The following PTPRD variants were observed in gnomAD, a reference collection of about 807,000 sequenced individuals.
PTPRD encodes receptor-type tyrosine-protein phosphatase delta.
PTPRD carries 34 observed loss-of-function variants against 214.5 expected under a neutral mutation model. The ratio of observed to expected loss-of-function variants is 0.16; its 90% CI spans 0.12 to 0.21. PTPRD has a LOEUF of 0.21. PTPRD is among the 10% of genes least tolerant of loss of function. The probability of loss-of-function intolerance (pLI) is 1.00; values close to 1 mark genes in which losing one functional copy is unlikely to be tolerated. For missense variants in PTPRD, 2,545 were observed against 2,398.7 expected, an observed-to-expected ratio of 1.06 and a Z score of -1.27; for synonymous variants, 1,128 against 845.7, an observed-to-expected ratio of 1.33 and a Z score of -5.79.
At chr9:10,359,984 C>T (rs376332893) in intron 2 of PTPRD, among the ~76,000 whole-genome samples, 6 of 152,234 alleles carry the variant, frequency 3.9e-5, no homozygotes, top group Admixed American at 6.5e-5. Context: ...AAATTTTTGG[C>T]CAATGTCAGC....
At chr9:8,698,099 T>C (rs1007539344) in intron 12 of PTPRD, among the ~76,000 whole-genome samples, 7 of 152,234 alleles carry the variant, frequency 4.6e-5, no homozygotes, top group Non-Finnish European at 8.8e-5. Context: ...TAAAGCTTTA[T>C]GTCATTTTCC....
intron 14 of PTPRD, among the ~76,000 whole-genome samples, chr9:8,571,420 C>T (rs1041288935): frequency 6.6e-5 from 10 of 151,972 alleles, no homozygotes; most frequent in Admixed American, 6.6e-4. Context: ...AAACAAAGAC[C>T]AGTAACTGAG....
rs575238060 is a variant in PTPRD, at chr9:8,998,797, G to A, written c.-104+19900C>T. ...CCATTAAGAACATTTGGGATTCATGGGTTAAGGCCAAAATATCAACATTAA... is the reference window on the plus strand; with the variant it reads ...CCATTAAGAACATTTGGGATTCATGAGTTAAGGCCAAAATATCAACATTAA... On this transcript the variant is annotated intron_variant, in intron 11 of 45. Transcript: ENST00000381196. 1.3e-3 allele frequency among the ~76,000 whole-genome samples: 190 copies of A among 151,054 alleles called. 1 individual carries two copies. Among genetic ancestry groups the A allele is most frequent in the Non-Finnish European group, 2.1e-3 (143 of 67,750 alleles).
intron 11 of PTPRD, among the ~76,000 whole-genome samples, chr9:8,929,755 A>ATGTGTATACATATG (rs1555536588): frequency 1.7e-5 from 1 of 58,080 alleles, no homozygotes; most frequent in Admixed American, 1.8e-4. Flanking sequence ...GTATATATAT[A>ATGTGTATACATATG]TGTATATATA....
chr9:9,685,645 A>T (rs1239010541), intron 7 of PTPRD, among the ~76,000 whole-genome samples: 1 of 151,322 alleles, frequency 6.6e-6, no homozygotes, highest in Non-Finnish European at 1.5e-5. Context: ...CTTGTCTACT[A>T]GTAGTTAGCT....
At chr9:8,873,389 T>C (rs972299886) in intron 11 of PTPRD, among the ~76,000 whole-genome samples, 10 of 152,174 alleles carry the variant, frequency 6.6e-5, no homozygotes, top group African/African-American at 2.4e-4. Flanking sequence ...TAATATCTTC[T>C]TTTTCCCCAA....
chr9:8,336,905 C>A (rs1020665272), intron 43 of PTPRD, among the ~76,000 whole-genome samples: 2 of 152,202 alleles, frequency 1.3e-5, no homozygotes, highest in African/African-American at 4.8e-5. Flanking sequence ...GAGATACCAT[C>A]TTACACCAGT....
At chr9:9,007,054 T>C in intron 11 of PTPRD, among the ~76,000 whole-genome samples, 1 of 151,956 alleles carries the variant, frequency 6.6e-6, no homozygotes, top group East Asian at 1.9e-4. Context: ...TATCTTAACT[T>C]CTGACTGCTT....
intron 19 of PTPRD, 26 bp from the exon 20 acceptor site, chr9:8,521,572 T>C (rs751729931): frequency 1.2e-6 from 2 of 1,607,214 alleles, no homozygotes; most frequent in Non-Finnish European, 1.7e-6. Flanking sequence ...AGGGAAATGA[T>C]AACATATACA....
intron 3 of PTPRD, among the ~76,000 whole-genome samples, chr9:10,060,374 T>C (rs1454472023): frequency 6.6e-6 from 1 of 152,052 alleles, no homozygotes; most frequent in Non-Finnish European, 1.5e-5. Context: ...CACAAACTCT[T>C]TCCCGTTAAA....
At chr9:9,331,748 C>G (rs1181160950) in intron 9 of PTPRD, among the ~76,000 whole-genome samples, 1 of 152,020 alleles carries the variant, frequency 6.6e-6, no homozygotes, top group Non-Finnish European at 1.5e-5. Flanking sequence ...TACTGTCAAT[C>G]ACTGAATCAA....
At chr9:10,157,942 G>A (rs139813871) in intron 3 of PTPRD, among the ~76,000 whole-genome samples, 7 of 152,012 alleles carry the variant, frequency 4.6e-5, no homozygotes, top group African/African-American at 1.2e-4. Flanking sequence ...TACTAATACC[G>A]GTGATTGCAT....
rs186222916 is a variant in PTPRD, at chr9:10,184,335, G to C, written c.-544-150545C>G. Among the ~76,000 whole-genome samples the C allele has an allele frequency of 6.6e-5, 10 of 152,246 alleles. No homozygotes were observed. In the East Asian group the frequency reaches 1.9e-3, roughly 29 times the overall value. ...AGCTGCTCGGGAGGCTGAGGCATGAGAATCACTTGAACCCGGGAGGCAGAG... is the reference window on the plus strand; with the variant it reads ...AGCTGCTCGGGAGGCTGAGGCATGACAATCACTTGAACCCGGGAGGCAGAG... On this transcript the variant is annotated intron_variant, in intron 3 of 45. Coordinates refer to ENST00000381196, the MANE Select transcript of PTPRD (RefSeq NM_002839.4).
intron 4 of PTPRD, among the ~76,000 whole-genome samples, chr9:9,991,282 G>C (rs905917573): frequency 1.3e-5 from 2 of 151,358 alleles, no homozygotes; most frequent in Non-Finnish European, 2.9e-5. Context: ...TTCTTATACA[G>C]AACACAAATA....
chr9:8,339,111 A>T (rs1481606776), intron 42 of PTPRD, 64 bp from the exon 43 acceptor site: 7 of 1,444,346 alleles, frequency 4.8e-6, no homozygotes, highest in Non-Finnish European at 5.6e-6. Context: ...TATATTATCT[A>T]TCTATCTATC....
chr9:10,121,433 G>A (rs2098774425), intron 3 of PTPRD, among the ~76,000 whole-genome samples: 2 of 152,134 alleles, frequency 1.3e-5, no homozygotes, highest in African/African-American at 4.8e-5. Context: ...GGCCAAAAGT[G>A]TTGTCATTGA....
chr9:8,793,178 C>T (rs1261386175), intron 11 of PTPRD, among the ~76,000 whole-genome samples: 1 of 152,128 alleles, frequency 6.6e-6, no homozygotes, highest in Non-Finnish European at 1.5e-5. Context: ...TTACTGCATG[C>T]CATACAATGA....
intron 2 of PTPRD, among the ~76,000 whole-genome samples, chr9:10,554,556 G>C (rs61225772): frequency 6.6e-6 from 1 of 151,956 alleles, no homozygotes; most frequent in Non-Finnish European, 1.5e-5. Context: ...AGGTATTTGA[G>C]AATTCCAATT....
intron 7 of PTPRD, among the ~76,000 whole-genome samples, chr9:9,725,458 G>C (rs112351057): frequency 6.6e-6 from 1 of 151,932 alleles, no homozygotes; most frequent in Non-Finnish European, 1.5e-5. Context: ...AGCTTATGTC[G>C]TTATCAAGAG....
Sources: gnomAD v4.1 joint callset for allele counts (sites outside exome capture counted in the v4.1 genomes callset) on GRCh38, gnomAD v4.1.1 for gene constraint, MANE v1.5 for transcripts, NCBI Gene and HGNC (gene_info 2026-07-23, HGNC 2026-07-21) for gene names.